HSD17B3: variants seen among roughly 807,000 people sequenced by gnomAD.
HSD17B3 encodes 17-beta-hydroxysteroid dehydrogenase type 3.
In HSD17B3, 29 loss-of-function variants were observed where a neutral mutation model predicts 41.1. The observed-to-expected ratio is 0.71, with a 90% CI of 0.53 to 0.96. HSD17B3 has a LOEUF of 0.96. HSD17B3 is among the 40% of genes least tolerant of loss of function. HSD17B3 has a pLI of 0.00. For synonymous variants in HSD17B3, 126 were observed against 145.6 expected (o/e 0.87, Z 0.97); for missense variants, 323 against 374.6 (o/e 0.86, Z 1.14).
intron 2 of HSD17B3, among the ~76,000 whole-genome samples, chr9:96,276,048 G>C (rs1826438812): frequency 1.4e-5 from 2 of 140,064 alleles, no homozygotes; most frequent in South Asian, 5.0e-4. Context: ...CAAGGCTGCA[G>C]TGAGTCATGA....
At chr9:96,291,694 T>C (rs1005465402) in intron 2 of HSD17B3, among the ~76,000 whole-genome samples, 1 of 152,198 alleles carries the variant, frequency 6.6e-6, no homozygotes, top group Non-Finnish European at 1.5e-5. Context: ...ATGTGGCTCA[T>C]GCCTGTAATC....
intron 2 of HSD17B3, among the ~76,000 whole-genome samples, chr9:96,291,236 G>A (rs990479812): frequency 6.6e-6 from 1 of 152,008 alleles, no homozygotes; most frequent in East Asian, 1.9e-4. Flanking sequence ...CCAGTGGAAC[G>A]AGGCCACCTC....
At chr9:96,278,786 T>C (rs59615776) in intron 2 of HSD17B3, among the ~76,000 whole-genome samples, 3,602 of 152,318 alleles carry the variant, frequency 0.024, 201 homozygotes, top group Admixed American at 0.13. Context: ...AAATGAGGAC[T>C]GTAGGTACCC....
At chr9:96,237,924 G>T (rs1836291863) in intron 10 of HSD17B3, among the ~76,000 whole-genome samples, 1 of 152,100 alleles carries the variant, frequency 6.6e-6, no homozygotes, top group African/African-American at 2.4e-5. Context: ...GAGCCCAGGA[G>T]TTCAAGACCA....
chr9:96,235,929 T>A (rs1413164821), intron 10 of HSD17B3, among the ~76,000 whole-genome samples: 1 of 151,912 alleles, frequency 6.6e-6, no homozygotes, highest in East Asian at 1.9e-4. Flanking sequence ...CTTCAGCCTC[T>A]TGAGTAGCTG....
intron 9 of HSD17B3, among the ~76,000 whole-genome samples, chr9:96,243,824 A>C (rs1164228598): frequency 1.3e-5 from 2 of 152,188 alleles, no homozygotes; most frequent in Non-Finnish European, 2.9e-5. Flanking sequence ...CACCTGCTCG[A>C]GAACCAGAGT....
At chr9:96,250,979 AC>A (rs1238156323) in intron 5 of HSD17B3, 1 of 171,424 alleles carries the variant, frequency 5.8e-6, no homozygotes, top group Admixed American at 5.7e-5. Context: ...TACTGAACTT[AC>A]AATCCTGCCA....
intron 2 of HSD17B3, among the ~76,000 whole-genome samples, chr9:96,272,405 C>CTCTATATA (rs1239816824): frequency 4.6e-5 from 1 of 21,538 alleles, no homozygotes; most frequent in Non-Finnish European, 8.8e-5. Flanking sequence ...CTCTCTCTCT[C>CTCTATATA]TATATATATA....
intron 2 of HSD17B3, among the ~76,000 whole-genome samples, chr9:96,279,364 G>A (rs560859616): frequency 8.3e-4 from 127 of 152,272 alleles, no homozygotes; most frequent in African/African-American, 3.0e-3. Context: ...GGTGTGGGGG[G>A]ACTTACAGGT....
chr9:96,274,946 C>T (rs1460574782), intron 2 of HSD17B3, among the ~76,000 whole-genome samples: 1 of 152,014 alleles, frequency 6.6e-6, no homozygotes, highest in Non-Finnish European at 1.5e-5. Context: ...CTCTGAGACA[C>T]CTGATAATTA....
chr9:96,249,785 C>T lies in HSD17B3; in HGVS notation c.455G>A (p.Ser152Asn), dbSNP rs1275902342. 6.2e-7 allele frequency: 1 copy of T among 1,614,036 alleles called. No homozygotes were observed. The highest frequency in any genetic ancestry group is 8.5e-7 in the Non-Finnish European group (1 of 1,179,964). The change falls in exon 6 of 11, where the codon AGC becomes AAC. Residue 152 changes from serine to asparagine, a missense_variant and splice_region_variant. Physicochemically the swap from Ser to Asn is conservative, Grantham distance 46 (BLOSUM62 1). Transcript: ENST00000375263. The part of the protein sequence containing the change: ...HFLNAPDEIQ[S>N]LIHCNITSVV... ...GGAGGTGATGTTACAATGGATGAGGCTCTGTAATAAATAATCACAACCACA... is the reference window on the plus strand; with the variant it reads ...GGAGGTGATGTTACAATGGATGAGGTTCTGTAATAAATAATCACAACCACA...
intron 10 of HSD17B3, among the ~76,000 whole-genome samples, chr9:96,237,726 T>G (rs1037520795): frequency 4.6e-5 from 7 of 152,256 alleles, no homozygotes; most frequent in Non-Finnish European, 8.8e-5. Flanking sequence ...TTCATTTATT[T>G]TCTCTCCTAT....
chr9:96,242,263 G>C (rs545603846), intron 9 of HSD17B3, among the ~76,000 whole-genome samples: 11 of 152,288 alleles, frequency 7.2e-5, no homozygotes, highest in Admixed American at 5.9e-4. Context: ...TTTCCAGATA[G>C]GGAAGTAATG....
chr9:96,242,792 G>A (rs189983183), intron 9 of HSD17B3, among the ~76,000 whole-genome samples: 13 of 152,300 alleles, frequency 8.5e-5, no homozygotes, highest in Non-Finnish European at 1.9e-4. Context: ...ACAAGATGCT[G>A]CTGAGGGTCA....
At chr9:96,272,417 A>C (rs369930308) in intron 2 of HSD17B3, among the ~76,000 whole-genome samples, 2,655 of 16,888 alleles carry the variant, frequency 0.16, 91 homozygotes, top group Non-Finnish European at 0.18. Flanking sequence ...ATATATATAT[A>C]TATATATATA....
chr9:96,271,650 C>G (rs987049297), intron 2 of HSD17B3, among the ~76,000 whole-genome samples: 1 of 152,170 alleles, frequency 6.6e-6, no homozygotes, highest in African/African-American at 2.4e-5. Flanking sequence ...AGAACCCACA[C>G]GATAGATGGA....
rs1430974904 is a variant in HSD17B3 at position 96,277,954 on chromosome 9, GA to G, written c.201+20461del. Among the ~76,000 whole-genome samples the G allele has an allele frequency of 9.2e-5, 14 of 152,200 alleles. No individual in the cohort carries two copies. In the East Asian group the frequency reaches 2.7e-3, roughly 29 times the overall value. On this transcript the variant is annotated intron_variant, in intron 2 of 10. Transcript: ENST00000375263. ...GGATAAATGTTGGACATGGATAAATGAGGAGATTATGCTAAGTGAAATAAGT... is the reference window on the plus strand; with the variant it reads ...GGATAAATGTTGGACATGGATAAATGGGAGATTATGCTAAGTGAAATAAGT...
In HSD17B3 at chr9:96,268,824, CT is replaced by C. The variant is rs1826133280; in HGVS notation, c.202-13882del. 3.9e-5 allele frequency among the ~76,000 whole-genome samples: 6 copies of C among 152,234 alleles called. No homozygotes were observed. In the South Asian group the frequency reaches 1.2e-3, roughly 32 times the overall value. Reference sequence around the variant, plus strand: ...ATTAGCTGCACGTGGTGGTGCACCCCTGTAATCCCAGCTACTAGAGAGGCTG... The same window carrying C: ...ATTAGCTGCACGTGGTGGTGCACCCCGTAATCCCAGCTACTAGAGAGGCTG... On this transcript the variant is annotated intron_variant, in intron 2 of 10. Transcript: ENST00000375263.
chr9:96,249,728 T>C, intron 6 of HSD17B3, 23 bp downstream of exon 6: 1 of 1,611,928 alleles, frequency 6.2e-7, no homozygotes, highest in Non-Finnish European at 8.5e-7. Flanking sequence ...TTAATGCATT[T>C]CGCACATATA....
Sources: allele counts gnomAD v4.1 joint callset (sites outside exome capture counted in the v4.1 genomes callset), GRCh38; gene constraint gnomAD v4.1.1; transcripts MANE v1.5; gene names NCBI Gene and HGNC (gene_info 2026-07-23, HGNC 2026-07-21).